The following PDE4D variants were observed in gnomAD, a reference collection of about 807,000 sequenced individuals.
The protein encoded by PDE4D is phosphodiesterase 4D, also known as 3',5'-cyclic-AMP phosphodiesterase 4D.
In PDE4D, 24 loss-of-function variants were observed where a neutral mutation model predicts 87.4. The observed-to-expected ratio is 0.27, with a 90% CI of 0.20 to 0.39. PDE4D has a LOEUF of 0.39. PDE4D is among the 10% of genes least tolerant of loss of function. The probability of loss-of-function intolerance (pLI) is 1.00; values close to 1 mark genes in which losing one functional copy is unlikely to be tolerated. For missense variants in PDE4D, 714 were observed against 1,041.0 expected, an observed-to-expected ratio of 0.69 and a Z score of 4.32; for synonymous variants, 384 against 383.2, an observed-to-expected ratio of 1.00 and a Z score of -0.02.
chr5:60,106,738 C>T (rs995041295), intron 2 of PDE4D, among the ~76,000 whole-genome samples: 34 of 152,072 alleles, frequency 2.2e-4, no homozygotes, highest in African/African-American at 8.2e-4. Flanking sequence ...GGAAACTGAA[C>T]AACCTGCTCC....
intron 1 of PDE4D, among the ~76,000 whole-genome samples, chr5:59,872,300 C>CA (rs1554102690): frequency 0.022 from 3,288 of 146,956 alleles, 118 homozygotes; most frequent in African/African-American, 0.079. Flanking sequence ...CACACACACA[C>CA]AAGAGCACAC....
At chr5:59,123,030 TG>T (rs1205041348) in intron 5 of PDE4D, among the ~76,000 whole-genome samples, 9 of 151,748 alleles carry the variant, frequency 5.9e-5, no homozygotes, top group Admixed American at 1.3e-4. Flanking sequence ...CTGTTTTTTT[TG>T]TTTTTTTTTT....
intron 1 of PDE4D, among the ~76,000 whole-genome samples, chr5:60,337,388 T>TATATATATATATACACAC (rs66871903): frequency 3.0e-4 from 27 of 89,440 alleles, no homozygotes; most frequent in South Asian, 1.2e-3. Flanking sequence ...TATATATATA[T>TATATATATATATACACAC]ACACACACAC....
chr5:59,955,671 G>T (rs1044895694), intron 3 of PDE4D, among the ~76,000 whole-genome samples: 3 of 152,158 alleles, frequency 2.0e-5, no homozygotes, highest in African/African-American at 7.2e-5. Flanking sequence ...TATAAGGATT[G>T]CCTCTTGTAG....
At chr5:59,688,767 T>C (rs1750361601) in intron 1 of PDE4D, among the ~76,000 whole-genome samples, 1 of 151,938 alleles carries the variant, frequency 6.6e-6, no homozygotes, top group Non-Finnish European at 1.5e-5. Context: ...CTTCAAAAAA[T>C]CAATGAATCC....
At chr5:59,654,741 A>G (rs1580188281) in intron 1 of PDE4D, among the ~76,000 whole-genome samples, 1 of 151,066 alleles carries the variant, frequency 6.6e-6, no homozygotes, top group East Asian at 2.0e-4. Context: ...AATTCCCCAT[A>G]CCCCCTCCAA....
At chr5:59,064,279 A>G (rs189223385) in intron 5 of PDE4D, among the ~76,000 whole-genome samples, 1 of 152,164 alleles carries the variant, frequency 6.6e-6, no homozygotes, top group Non-Finnish European at 1.5e-5. Context: ...AATACACTGG[A>G]AATTTTTTTT....
chr5:60,205,400 A>G (rs780423142), intron 1 of PDE4D, among the ~76,000 whole-genome samples: 4 of 152,106 alleles, frequency 2.6e-5, no homozygotes, highest in Non-Finnish European at 4.4e-5. Flanking sequence ...TACCAGTGGG[A>G]CCTGCCCCTA....
chr5:60,315,960 G>A (rs2149825039), intron 1 of PDE4D, among the ~76,000 whole-genome samples: 1 of 152,252 alleles, frequency 6.6e-6, no homozygotes, highest in East Asian at 1.9e-4. Flanking sequence ...GGATTGACTT[G>A]GCAATGTGGG....
At chr5:59,779,114 A>T (rs1377820871) in intron 1 of PDE4D, among the ~76,000 whole-genome samples, 3 of 151,906 alleles carry the variant, frequency 2.0e-5, no homozygotes, top group Non-Finnish European at 2.9e-5. Flanking sequence ...GTGAGCCGAG[A>T]TTGCACCGCT....
At chr5:59,458,947 G>A (rs890903494) in intron 1 of PDE4D, among the ~76,000 whole-genome samples, 2 of 152,130 alleles carry the variant, frequency 1.3e-5, no homozygotes, top group African/African-American at 4.8e-5. Flanking sequence ...AATTAACTAC[G>A]AAGTTGTTTG....
intron 3 of PDE4D, among the ~76,000 whole-genome samples, chr5:59,924,177 A>G (rs1754990972): frequency 6.6e-6 from 1 of 151,976 alleles, no homozygotes. Context: ...CACAGTCAGA[A>G]GAGACAAAAG....
intron 1 of PDE4D, among the ~76,000 whole-genome samples, chr5:60,501,400 T>C (rs1313663013): frequency 6.6e-6 from 1 of 151,914 alleles, no homozygotes; most frequent in South Asian, 2.1e-4. Context: ...CAGTCTATCA[T>C]TGTTGGACAT....
intron 3 of PDE4D, among the ~76,000 whole-genome samples, chr5:59,193,291 T>A (rs1744728309): frequency 6.6e-6 from 1 of 152,200 alleles, no homozygotes; most frequent in Non-Finnish European, 1.5e-5. Context: ...GCAAAGACAC[T>A]CTTTGGTACT....
intron 1 of PDE4D, among the ~76,000 whole-genome samples, chr5:59,297,656 C>T (rs1007285767): frequency 6.6e-6 from 1 of 151,986 alleles, no homozygotes; most frequent in Non-Finnish European, 1.5e-5. Context: ...TCCCCAGTAC[C>T]TAGAACAGTG....
chr5:59,055,808 T>C (rs1448528006), intron 5 of PDE4D, among the ~76,000 whole-genome samples: 1 of 152,218 alleles, frequency 6.6e-6, no homozygotes, highest in Non-Finnish European at 1.5e-5. Flanking sequence ...ACGTGATTCA[T>C]CTTTGCCTAC....
intron 5 of PDE4D, among the ~76,000 whole-genome samples, chr5:59,082,520 A>G (rs1195321063): frequency 1.3e-5 from 2 of 152,162 alleles, no homozygotes; most frequent in Non-Finnish European, 2.9e-5. Context: ...TAAAGCATGT[A>G]TCCACAACAG....
At chr5:60,267,423 G>A (rs1287074829) in intron 1 of PDE4D, among the ~76,000 whole-genome samples, 1 of 152,168 alleles carries the variant, frequency 6.6e-6, no homozygotes, top group Non-Finnish European at 1.5e-5. Flanking sequence ...TCAAAACCAT[G>A]TGCTGTCATA....
intron 1 of PDE4D, among the ~76,000 whole-genome samples, chr5:60,420,764 T>G (rs1311591258): frequency 1.3e-5 from 2 of 152,142 alleles, no homozygotes; most frequent in Non-Finnish European, 2.9e-5. Flanking sequence ...ACCTGGGAAG[T>G]GCAAGGGGTT....
Sources: allele counts gnomAD v4.1 joint callset (sites outside exome capture counted in the v4.1 genomes callset), GRCh38; gene constraint gnomAD v4.1.1; transcripts MANE v1.5; gene names NCBI Gene and HGNC (gene_info 2026-07-23, HGNC 2026-07-21).